The following CTNND2 variants were observed in gnomAD, a reference collection of about 807,000 sequenced individuals.
The protein encoded by CTNND2 is catenin delta 2.
In CTNND2, 22 loss-of-function variants were observed where a neutral mutation model predicts 144.4. The observed-to-expected ratio is 0.15, with a 90% CI of 0.11 to 0.22. CTNND2 has a LOEUF of 0.22. Ranked by LOEUF, CTNND2 falls within the 10% of genes least tolerant of loss-of-function variation. The pLI, the probability that CTNND2 is intolerant of heterozygous loss-of-function variation, is 1.00. For synonymous variants in CTNND2, 751 were observed against 695.6 expected, an observed-to-expected ratio of 1.08 and a Z score of -1.25; for missense variants, 1,353 against 1,618.8, an observed-to-expected ratio of 0.84 and a Z score of 2.82.
chr5:11,351,711 T>C (rs1755357346), intron 8 of CTNND2, among the ~76,000 whole-genome samples: 1 of 152,150 alleles, frequency 6.6e-6, no homozygotes, highest in Admixed American at 6.5e-5. Flanking sequence ...TACAAGGTAA[T>C]GTTCAATAAA....
In CTNND2 at chr5:11,468,980, A is replaced by T. The variant is rs184597665; in HGVS notation, c.288-56911T>A. Among the ~76,000 whole-genome samples, 8 of 152,270 alleles carry T rather than the reference A, an allele frequency of 5.3e-5. No individual in the cohort carries two copies. In the East Asian group the frequency reaches 1.6e-3, roughly 30 times the overall value. On this transcript the variant is annotated intron_variant, in intron 3 of 21. Transcript: ENST00000304623. Reference sequence around the variant, plus strand: ...TAAATTTTTCAGCTTGGGTTTCTGCAGGTCATATATAACTCTCTACGCTCA... The same window carrying T: ...TAAATTTTTCAGCTTGGGTTTCTGCTGGTCATATATAACTCTCTACGCTCA...
chr5:11,325,406 CA>C (rs1752430185), intron 9 of CTNND2, among the ~76,000 whole-genome samples: 1 of 151,918 alleles, frequency 6.6e-6, no homozygotes, highest in Non-Finnish European at 1.5e-5. Flanking sequence ...CTGATCAAGA[CA>C]TATATAATTA....
At chr5:11,612,163 C>T (rs6880453) in intron 2 of CTNND2, among the ~76,000 whole-genome samples, 53,194 of 151,982 alleles carry the variant, frequency 0.35, 10,644 homozygotes, top group Middle Eastern at 0.62. Flanking sequence ...ATCCCAAATA[C>T]CAGAAAGTAG....
At chr5:11,873,959 A>G (rs919866992) in intron 1 of CTNND2, among the ~76,000 whole-genome samples, 1 of 152,236 alleles carries the variant, frequency 6.6e-6, no homozygotes, top group Admixed American at 6.5e-5. Flanking sequence ...TAATATTACT[A>G]CCTGCAGGGG....
chr5:11,525,401 A>T (rs1252756622), intron 3 of CTNND2, among the ~76,000 whole-genome samples: 5 of 149,708 alleles, frequency 3.3e-5, no homozygotes, highest in South Asian at 2.1e-4. Context: ...TTTTCAAATT[A>T]AAAAAAAAAC....
intron 3 of CTNND2, among the ~76,000 whole-genome samples, chr5:11,470,980 A>ATATATATT (rs1219093645): frequency 4.5e-4 from 41 of 91,532 alleles, no homozygotes; most frequent in African/African-American, 1.2e-3. Flanking sequence ...ATATATATAT[A>ATATATATT]TTTTTTTTTT....
At chr5:11,303,367 G>A (rs920385001) in intron 9 of CTNND2, among the ~76,000 whole-genome samples, 6 of 152,196 alleles carry the variant, frequency 3.9e-5, no homozygotes, top group South Asian at 2.1e-4. Flanking sequence ...GTTTCTGCAC[G>A]CAGATGGCCT....
At chr5:11,443,360 T>TGTGGGGGGGTGTGGCATGA (rs1554059699) in intron 3 of CTNND2, among the ~76,000 whole-genome samples, 36 of 38,862 alleles carry the variant, frequency 9.3e-4, no homozygotes, top group South Asian at 5.2e-3. Flanking sequence ...TGGGAGGGTG[T>TGTGGGGGGGTGTGGCATGA]GTGGGGGGGT....
Position 11,159,742 on chromosome 5 carries a change from A to G in CTNND2, c.1993T>C (p.Ser665Pro). ...ELVTGVLWNLSSCDALKMPII... is the reference protein window; with the variant it reads ...ELVTGVLWNLPSCDALKMPII... ...GGCATTTTGAGTGCATCGCATGAGG[A>G]GAGGTTCCAAAGGACTCCTGCAAGA... The change falls in exon 12 of 22, where the codon TCC becomes CCC. Residue 665 changes from serine (S) to proline (P), a missense_variant. Physicochemically the swap from Ser to Pro is moderately conservative, Grantham distance 74. Around this residue, in one of 4 missense-constraint regions of CTNND2, gnomAD observed 117 missense variants for 117.8 expected, o/e 0.99. Transcript: ENST00000304623. 1 of 1,602,548 alleles carries G rather than the reference A, an allele frequency of 6.2e-7. No individual in the cohort carries two copies. The highest frequency in any genetic ancestry group is 8.5e-7 in the Non-Finnish European group (1 of 1,173,980).
At chr5:11,565,958 G>T (rs1777061052) in intron 2 of CTNND2, among the ~76,000 whole-genome samples, 1 of 152,138 alleles carries the variant, frequency 6.6e-6, no homozygotes, top group Non-Finnish European at 1.5e-5. Flanking sequence ...AAACAGTTAT[G>T]TTTTGGGGAT....
intron 17 of CTNND2, among the ~76,000 whole-genome samples, chr5:11,021,063 A>C (rs1224558255): frequency 6.6e-6 from 1 of 152,224 alleles, no homozygotes; most frequent in Admixed American, 6.5e-5. Context: ...GGTTTCTTCA[A>C]GTGATTTGTA....
intron 2 of CTNND2, among the ~76,000 whole-genome samples, chr5:11,663,202 C>G (rs955232229): frequency 6.6e-6 from 1 of 152,158 alleles, no homozygotes; most frequent in Non-Finnish European, 1.5e-5. Context: ...AAAAATGTGT[C>G]TGCATAATTG....
chr5:11,902,569 C>G (rs1737997898), intron 1 of CTNND2, among the ~76,000 whole-genome samples: 1 of 152,246 alleles, frequency 6.6e-6, no homozygotes, highest in African/African-American at 2.4e-5. Flanking sequence ...TCCTTGTTTT[C>G]ATGGAAGTCA....
chr5:11,696,765 A>C (rs115684524), intron 2 of CTNND2, among the ~76,000 whole-genome samples: 2 of 152,230 alleles, frequency 1.3e-5, no homozygotes. Flanking sequence ...CAGTAGTCAT[A>C]TATCAACAGG....
intron 10 of CTNND2, among the ~76,000 whole-genome samples, chr5:11,227,469 G>C (rs1740487239): frequency 1.3e-5 from 2 of 152,116 alleles, no homozygotes; most frequent in Admixed American, 1.3e-4. Flanking sequence ...AGAAATACAG[G>C]CTCTTTTCCA....
At chr5:11,534,691 T>G (rs960435131) in intron 3 of CTNND2, among the ~76,000 whole-genome samples, 1 of 152,188 alleles carries the variant, frequency 6.6e-6, no homozygotes, top group Non-Finnish European at 1.5e-5. Context: ...CCTGAATTCC[T>G]GGTTTCATGA....
In CTNND2 at chr5:11,903,808, G is replaced by T; in HGVS notation, c.37+9C>A. The T allele has an allele frequency of 6.8e-7, 1 of 1,481,120 alleles. No homozygotes were observed. The highest frequency in any genetic ancestry group is 1.3e-5 in the South Asian group (1 of 79,030). The allele number at this position is 1,481,120 out of a possible 1,614,324, so 91.7% of individuals were successfully genotyped here. On this transcript the variant is annotated intron_variant, in intron 1 of 21. Transcript: ENST00000304623. This position sits in a 1 kb window ranked among gnomAD's most constrained non-coding sequence, Gnocchi z 5.4. ...CGCCCGGCCCCGGCCGCCCAGCCCCGCAACTCACCCAAAGGCGCGGCGCCC... is the reference window on the plus strand; with the variant it reads ...CGCCCGGCCCCGGCCGCCCAGCCCCTCAACTCACCCAAAGGCGCGGCGCCC...
Position 11,657,567 on chromosome 5 carries a change from G to C in CTNND2, c.174+74569C>G, listed in dbSNP as rs141650961. ...ATTCAAAGTGTCTCAGGTTTTATGA[G>C]TTGGCAAAGATTTAAATAGTGCTAG... is the stretch of plus-strand genomic sequence containing the variant. On this transcript the variant is annotated intron_variant, in intron 2 of 21. Coordinates refer to ENST00000304623, the MANE Select transcript of CTNND2 (RefSeq NM_001332.4). Among the ~76,000 whole-genome samples the C allele has an allele frequency of 3.3e-3, 506 of 152,076 alleles. 2 individuals are homozygous for C. Among genetic ancestry groups the C allele is most frequent in the Non-Finnish European group, 4.6e-3 (315 of 67,966 alleles).
At chr5:11,806,744 A>T (rs1792025949) in intron 1 of CTNND2, among the ~76,000 whole-genome samples, 1 of 152,146 alleles carries the variant, frequency 6.6e-6, no homozygotes, top group South Asian at 2.1e-4. Flanking sequence ...TATATATATA[A>T]CACTGAGAAG....
Sources: allele counts gnomAD v4.1 joint callset (sites outside exome capture counted in the v4.1 genomes callset), GRCh38; gene constraint gnomAD v4.1.1; regional missense constraint gnomAD v4.1.1; non-coding constraint Gnocchi (gnomAD v3.1); transcripts MANE v1.5; gene names NCBI Gene and HGNC (gene_info 2026-07-23, HGNC 2026-07-21).